The following AGBL1 variants were observed in gnomAD, a reference collection of about 807,000 sequenced individuals.
The protein encoded by AGBL1 is AGBL carboxypeptidase 1, also known as cytosolic carboxypeptidase 4.
AGBL1 carries 130 observed loss-of-function variants against 118.9 expected under a neutral mutation model. The ratio of observed to expected loss-of-function variants is 1.09; its 90% CI spans 0.95 to 1.26. The LOEUF is 1.26. Among genes scored for constraint, AGBL1 ranks in the 50% most tolerant of loss-of-function variants. The pLI, the probability that AGBL1 is intolerant of heterozygous loss-of-function variation, is 0.00. For synonymous variants in AGBL1, 555 were observed against 478.9 expected (o/e 1.16, Z -2.08); for missense variants, 1,584 against 1,298.1 (o/e 1.22, Z -3.38).
chr15:86,643,600 A>G (rs761562063), intron 21 of AGBL1, among the ~76,000 whole-genome samples: 3 of 152,146 alleles, frequency 2.0e-5, no homozygotes, highest in East Asian at 1.9e-4. Context: ...TTTAAAAAGA[A>G]CTGATTATTG....
intron 23 of AGBL1, among the ~76,000 whole-genome samples, chr15:86,964,031 CTGTG>C (rs1555466861): frequency 1.2e-4 from 17 of 146,300 alleles, no homozygotes; most frequent in African/African-American, 4.1e-4. Flanking sequence ...CTCTCTCTCT[CTGTG>C]TGTGTGTGTG....
chr15:86,316,730 CCTAA>C (rs758146447), intron 17 of AGBL1: 1 of 152,210 alleles, frequency 6.6e-6, no homozygotes, highest in Non-Finnish European at 1.5e-5. Flanking sequence ...TCCATCTTAC[CCTAA>C]CTGTTGTCTT....
At chr15:86,319,313 A>G (rs76209407) in intron 17 of AGBL1, among the ~76,000 whole-genome samples, 5,754 of 152,282 alleles carry the variant, frequency 0.038, 152 homozygotes, top group East Asian at 0.054. Flanking sequence ...GAGTTGCTCT[A>G]CATCCTGGCT....
intron 1 of AGBL1, chr15:86,088,148 A>G (rs960956403): frequency 4.6e-5 from 7 of 152,286 alleles, no homozygotes; most frequent in Non-Finnish European, 8.8e-5. Context: ...GAAAACAGTC[A>G]GTGGGTTAGA....
chr15:86,922,211 T>A (rs773823705), intron 23 of AGBL1, among the ~76,000 whole-genome samples: 1 of 152,212 alleles, frequency 6.6e-6, no homozygotes. Context: ...TTATTAGTAA[T>A]AGTATTAACA....
intron 23 of AGBL1, among the ~76,000 whole-genome samples, chr15:86,925,951 C>G (rs2080534275): frequency 6.6e-6 from 1 of 151,990 alleles, no homozygotes; most frequent in African/African-American, 2.4e-5. Context: ...ACGATGGTCT[C>G]AATCTCCTGA....
chr15:86,540,156 A>C (rs187486563), intron 19 of AGBL1, among the ~76,000 whole-genome samples: 3 of 152,170 alleles, frequency 2.0e-5, no homozygotes, highest in Non-Finnish European at 1.5e-5. Context: ...TTAGCATGCT[A>C]TCTAGAGTCT....
At chr15:86,818,091 T>G (rs2078890476) in intron 22 of AGBL1, among the ~76,000 whole-genome samples, 1 of 151,518 alleles carries the variant, frequency 6.6e-6, no homozygotes, top group African/African-American at 2.4e-5. Flanking sequence ...CAAGTTTGTG[T>G]GTGCGTGTGC....
At chr15:86,306,978 CTATTTA>C in intron 17 of AGBL1, among the ~76,000 whole-genome samples, 1 of 152,236 alleles carries the variant, frequency 6.6e-6, no homozygotes, top group Middle Eastern at 3.4e-3. Flanking sequence ...TGAGAAATGT[CTATTTA>C]AATCTTTTGC....
At chr15:86,482,772 T>C (rs934081245) in intron 18 of AGBL1, among the ~76,000 whole-genome samples, 1 of 152,072 alleles carries the variant, frequency 6.6e-6, no homozygotes, top group Non-Finnish European at 1.5e-5. Flanking sequence ...ACAGTCAACA[T>C]AGATCAGATT....
chr15:86,550,873 T>C (rs2083655047), intron 20 of AGBL1, among the ~76,000 whole-genome samples: 1 of 151,952 alleles, frequency 6.6e-6, no homozygotes, highest in Non-Finnish European at 1.5e-5. Context: ...ACTGAAACCA[T>C]GCACAGAATA....
At chr15:86,887,211 T>C (rs1187735160) in intron 22 of AGBL1, among the ~76,000 whole-genome samples, 2 of 152,240 alleles carry the variant, frequency 1.3e-5, no homozygotes, top group Non-Finnish European at 2.9e-5. Context: ...CATTCTGCCA[T>C]CTATCCTCTG....
intron 17 of AGBL1, among the ~76,000 whole-genome samples, chr15:86,384,901 G>GA (rs1209671613): frequency 2.6e-5 from 4 of 152,162 alleles, no homozygotes; most frequent in African/African-American, 4.8e-5. Flanking sequence ...GTTTTGAGGG[G>GA]AAAAAACCTT....
intron 5 of AGBL1, among the ~76,000 whole-genome samples, chr15:86,224,055 C>T (rs1311723751): frequency 6.6e-6 from 1 of 152,110 alleles, no homozygotes; most frequent in Non-Finnish European, 1.5e-5. Context: ...TGGCCTGTTC[C>T]TCCAATCCTG....
intron 18 of AGBL1, among the ~76,000 whole-genome samples, chr15:86,419,101 C>A (rs2081746318): frequency 6.6e-6 from 1 of 151,814 alleles, no homozygotes; most frequent in South Asian, 2.1e-4. Context: ...TCCTGCATAT[C>A]TTGGCACTTT....
intron 17 of AGBL1, 139 bp downstream of exon 17, chr15:86,295,547 C>G: frequency 1.2e-6 from 1 of 809,198 alleles, no homozygotes; most frequent in Non-Finnish European, 1.8e-6. Flanking sequence ...ACACCCCCAG[C>G]TTTTCTTGGT....
chr15:86,748,883 A>G (rs2077802027), intron 22 of AGBL1, among the ~76,000 whole-genome samples: 1 of 151,946 alleles, frequency 6.6e-6, no homozygotes, highest in Non-Finnish European at 1.5e-5. Flanking sequence ...CTGTTTTGGT[A>G]CCAGTTCCAT....
chr15:86,956,853 T>C (rs1433714177), intron 23 of AGBL1, among the ~76,000 whole-genome samples: 1 of 152,090 alleles, frequency 6.6e-6, no homozygotes, highest in East Asian at 1.9e-4. Context: ...AAATAAGAAA[T>C]TGAATGGAAT....
intron 18 of AGBL1, among the ~76,000 whole-genome samples, chr15:86,423,754 C>T (rs913317107): frequency 1.3e-5 from 2 of 151,938 alleles, no homozygotes; most frequent in African/African-American, 4.8e-5. Context: ...AGACAGAGAG[C>T]CAAATCATAA....
Sources: gnomAD v4.1 joint callset for allele counts (sites outside exome capture counted in the v4.1 genomes callset) on GRCh38, gnomAD v4.1.1 for gene constraint, MANE v1.5 for transcripts, NCBI Gene and HGNC (gene_info 2026-07-23, HGNC 2026-07-21) for gene names.